GRB14: variants seen among roughly 807,000 people sequenced by gnomAD.
The protein encoded by GRB14 is growth factor receptor-bound protein 14.
Under a neutral mutation model 69.1 loss-of-function variants are expected in GRB14, and 38 were observed. The ratio of observed to expected loss-of-function variants is 0.55; its 90% CI spans 0.42 to 0.72. The LOEUF (loss-of-function observed/expected upper bound fraction) is 0.72, where lower values mean the gene tolerates loss of function less well. GRB14 is among the 30% of genes least tolerant of loss of function. The pLI is 0.00. For synonymous variants in GRB14, 247 were observed against 241.3 expected (o/e 1.02, Z -0.22); for missense variants, 666 against 666.1 (o/e 1.00, Z 0.00).
chr2:164,617,500 G>T (rs1006873857), intron 2 of GRB14, among the ~76,000 whole-genome samples: 1 of 151,908 alleles, frequency 6.6e-6, no homozygotes, highest in African/African-American at 2.4e-5. Context: ...ACTCTAGTCT[G>T]ATGACTATCC....
intron 2 of GRB14, chr2:164,568,472 C>A (rs1464718717): frequency 6.0e-6 from 7 of 1,167,372 alleles, no homozygotes; most frequent in Non-Finnish European, 4.3e-6. Context: ...GGGCTCAGTG[C>A]AATGAAACAA....
At chr2:164,605,515 T>C (rs1216389344) in intron 2 of GRB14, among the ~76,000 whole-genome samples, 1 of 152,100 alleles carries the variant, frequency 6.6e-6, no homozygotes, top group African/African-American at 2.4e-5. Flanking sequence ...ATCCTGGCAG[T>C]AAAATGAAAA....
intron 6 of GRB14, among the ~76,000 whole-genome samples, chr2:164,510,571 T>C (rs1015190159): frequency 4.6e-5 from 7 of 152,156 alleles, no homozygotes; most frequent in Non-Finnish European, 5.9e-5. Context: ...AAATGCCATA[T>C]GTGACATTAG....
At chr2:164,508,619 C>A in intron 7 of GRB14, 69 bp from the exon 8 acceptor site, 1 of 1,493,076 alleles carries the variant, frequency 6.7e-7, no homozygotes, top group Non-Finnish European at 9.3e-7. Context: ...GAAATAAAAG[C>A]CACTAAAATT....
At position 164,590,146 on chromosome 2, in the gene GRB14, A is replaced by C. The variant is rs185016163; in HGVS notation, c.324+29541T>G. Among the ~76,000 whole-genome samples the C allele has an allele frequency of 4.8e-3, 738 of 152,276 alleles. 10 individuals are homozygous for C. The highest frequency in any genetic ancestry group is 0.017 in the Middle Eastern group (5 of 292). ...TCAGTCCATACCATAACCCTCCACA[A>C]GCAATTTTCATATTTTTCCTAAGGA... On this transcript the variant is annotated intron_variant, in intron 2 of 13. Coordinates refer to ENST00000263915, the MANE Select transcript of GRB14 (RefSeq NM_004490.3).
At chr2:164,549,149 G>A (rs1688461509) in intron 2 of GRB14, among the ~76,000 whole-genome samples, 1 of 152,040 alleles carries the variant, frequency 6.6e-6, no homozygotes, top group South Asian at 2.1e-4. Context: ...CAAAGTGCTA[G>A]GGTTACAGGT....
In GRB14 at chr2:164,513,531, T is replaced by C. The variant is rs147276425; in HGVS notation, c.817-4679A>G. On this transcript the variant is annotated intron_variant, in intron 6 of 13. Transcript: ENST00000263915. Reference sequence around the variant, plus strand: ...GCCATGGGACATCTGAAGTCATAACTAGCCAAGACAGAAAATCCTAAGACA... The same window carrying C: ...GCCATGGGACATCTGAAGTCATAACCAGCCAAGACAGAAAATCCTAAGACA... Among the ~76,000 whole-genome samples, 196 of 152,200 alleles carry C rather than the reference T, an allele frequency of 1.3e-3. 3 individuals carry two copies. The highest frequency in any genetic ancestry group is 3.5e-3 in the Admixed American group (53 of 15,288).
chr2:164,576,678 TCA>T (rs1689259859), intron 2 of GRB14, among the ~76,000 whole-genome samples: 1 of 151,652 alleles, frequency 6.6e-6, no homozygotes, highest in East Asian at 1.9e-4. Context: ...AAAACAATTC[TCA>T]GACTCTAATT....
chr2:164,598,675 G>T (rs1410889665), intron 2 of GRB14, among the ~76,000 whole-genome samples: 1 of 152,052 alleles, frequency 6.6e-6, no homozygotes, highest in Non-Finnish European at 1.5e-5. Context: ...AAAATTCAAC[G>T]ATCTTACAGG....
chr2:164,494,599 C>A, intron 12 of GRB14, 75 bp from the exon 13 acceptor site: 1 of 856,318 alleles, frequency 1.2e-6, no homozygotes, highest in South Asian at 1.4e-5. Context: ...TTAATAAATC[C>A]AAGAAGTGTA....
At chr2:164,513,787 C>T (rs571564590) in intron 6 of GRB14, among the ~76,000 whole-genome samples, 23 of 152,206 alleles carry the variant, frequency 1.5e-4, no homozygotes, top group Non-Finnish European at 2.9e-4. Flanking sequence ...GACAGTTTAA[C>T]CCATAAAGAA....
At chr2:164,506,460 G>A (rs1687191413) in intron 8 of GRB14, among the ~76,000 whole-genome samples, 1 of 152,120 alleles carries the variant, frequency 6.6e-6, no homozygotes, top group Non-Finnish European at 1.5e-5. Flanking sequence ...TAAATAACAA[G>A]TATTGACAAA....
chr2:164,577,390 T>G (rs1689277712), intron 2 of GRB14, among the ~76,000 whole-genome samples: 2 of 152,208 alleles, frequency 1.3e-5, no homozygotes, highest in South Asian at 4.1e-4. Flanking sequence ...GGATCTGGTA[T>G]GAACAGGGCG....
At chr2:164,577,399 C>T (rs1160444492) in intron 2 of GRB14, among the ~76,000 whole-genome samples, 3 of 152,120 alleles carry the variant, frequency 2.0e-5, no homozygotes, top group Admixed American at 1.3e-4. Flanking sequence ...ATGAACAGGG[C>T]GAATTTCCCC....
intron 2 of GRB14, among the ~76,000 whole-genome samples, chr2:164,594,582 A>G (rs187988107): frequency 3.9e-5 from 6 of 152,300 alleles, no homozygotes; most frequent in Admixed American, 2.6e-4. Context: ...AAATTTTTAA[A>G]TAATGCTCAT....
Position 164,497,036 on chromosome 2 carries a change from A to G in GRB14, c.1354T>C (p.Leu452=), listed in dbSNP as rs763293324. The G allele has an allele frequency of 2.2e-5, 36 of 1,613,788 alleles. No homozygotes were observed. The highest frequency in any genetic ancestry group is 2.7e-5 in the Non-Finnish European group (32 of 1,179,854). The change falls in exon 12 of 14, where the codon TTG becomes CTG. Residue 452 remains leucine (L), a synonymous_variant. Transcript: ENST00000263915. The part of the protein sequence containing the change: ...HKISRDEAQR[L]IIQQGLVDGV... ...TCCACAAGTCCTTGCTGAATAATCA[A>G]TCGCTGAGCCTCATCTCTAGAAATT...
At chr2:164,497,871 C>T (rs527502609) in intron 9 of GRB14, among the ~76,000 whole-genome samples, 3 of 152,194 alleles carry the variant, frequency 2.0e-5, no homozygotes, top group Admixed American at 6.5e-5. Context: ...TAAAAAGATA[C>T]ATTGTTTCTG....
chr2:164,564,514 A>G (rs1024370818), intron 2 of GRB14, among the ~76,000 whole-genome samples: 1 of 152,208 alleles, frequency 6.6e-6, no homozygotes, highest in Non-Finnish European at 1.5e-5. Flanking sequence ...GGGGAATTAG[A>G]TCTTCTCATA....
At chr2:164,586,467 T>A (rs1043651213) in intron 2 of GRB14, among the ~76,000 whole-genome samples, 10 of 152,208 alleles carry the variant, frequency 6.6e-5, no homozygotes, top group African/African-American at 2.4e-4. Flanking sequence ...ATACTATAGA[T>A]CCCCCTGTTG....
Sources: allele counts gnomAD v4.1 joint callset (sites outside exome capture counted in the v4.1 genomes callset), GRCh38; gene constraint gnomAD v4.1.1; transcripts MANE v1.5; gene names NCBI Gene and HGNC (gene_info 2026-07-23, HGNC 2026-07-21).